Variants in TEAD4 observed in about 807,000 individuals in gnomAD.
The protein encoded by TEAD4 is transcriptional enhancer factor TEF-3.
A neutral mutation model predicts 52.4 loss-of-function variants in TEAD4; 36 were observed. The ratio of observed to expected loss-of-function variants is 0.69; its 90% confidence interval spans 0.53 to 0.91. TEAD4 has a LOEUF of 0.91. TEAD4 is among the 40% of genes least tolerant of loss of function. The pLI, the probability that TEAD4 is intolerant of heterozygous loss-of-function variation, is 0.00. For synonymous variants in TEAD4, 220 were observed against 231.0 expected (o/e 0.95, Z 0.43); for missense variants, 508 against 583.9 (o/e 0.87, Z 1.34).
chr12:2,989,469 CCTT>C (rs1337817120), intron 2 of TEAD4, among the ~76,000 whole-genome samples: 2 of 152,134 alleles, frequency 1.3e-5, no homozygotes, highest in African/African-American at 2.4e-5. Flanking sequence ...GACAGAATCT[CCTT>C]CTGTCGCCCA....
intron 3 of TEAD4, among the ~76,000 whole-genome samples, chr12:3,005,119 A>G (rs1339128599): frequency 6.6e-6 from 1 of 152,214 alleles, no homozygotes; most frequent in Non-Finnish European, 1.5e-5. Context: ...CCAGACGCAG[A>G]AGGACAAATG....
At chr12:2,989,061 T>G (rs377122711) in intron 2 of TEAD4, among the ~76,000 whole-genome samples, 15 of 152,214 alleles carry the variant, frequency 9.9e-5, no homozygotes, top group Middle Eastern at 3.4e-3. Context: ...ACCCCACCTA[T>G]AGCTGGTGGG....
At position 3,030,235 on chromosome 12, in the gene TEAD4, C is replaced by T. The variant is rs116193287; in HGVS notation, c.898-7733C>T. 7.8e-3 allele frequency among the ~76,000 whole-genome samples: 1,195 copies of T among 152,236 alleles called. 12 individuals carry two copies. Among genetic ancestry groups the T allele is most frequent in the African/African-American group, 0.028 (1,152 of 41,544 alleles). ...TTAATTTCATAGAGACAGGGTCTTG[C>T]TATGTTGCCCAGACTGGTTTTAAAC... On this transcript the variant is annotated intron_variant, in intron 10 of 12. Coordinates refer to ENST00000359864, the MANE Select transcript of TEAD4 (RefSeq NM_003213.4).
chr12:3,008,671 G>T (rs916570116), intron 3 of TEAD4, among the ~76,000 whole-genome samples: 3 of 152,150 alleles, frequency 2.0e-5, no homozygotes, highest in Non-Finnish European at 2.9e-5. Context: ...TGTTTTGGAG[G>T]TAGAGCCACA....
intron 8 of TEAD4, 139 bp downstream of exon 8, chr12:3,019,309 C>T (rs905170226): frequency 4.3e-6 from 4 of 934,036 alleles, no homozygotes. Context: ...CGTCCTAGTC[C>T]CTGGCCACAC....
intron 2 of TEAD4, among the ~76,000 whole-genome samples, chr12:2,968,542 A>AGCTGGGACCACAGGTGAT (rs1365877263): frequency 3.4e-4 from 51 of 151,844 alleles, no homozygotes; most frequent in Middle Eastern, 6.8e-3. Context: ...AGGTCTCAGT[A>AGCTGGGACCACAGGTGAT]GCTGGGACCA....
Position 2,994,511 on chromosome 12 carries a change from C to A in TEAD4, c.-29-227C>A, listed in dbSNP as rs2098245632. Among the ~76,000 whole-genome samples the A allele has an allele frequency of 6.6e-6, 1 of 152,156 alleles. No individual in the cohort carries two copies. The highest frequency in any genetic ancestry group is 2.1e-4 in the South Asian group (1 of 4,826). ...CAGCCCTTGTCTGGGTTCCTTGATACCAGGGAGTGCCTAGGTCATTGTGCT... is the reference window on the plus strand; with the variant it reads ...CAGCCCTTGTCTGGGTTCCTTGATAACAGGGAGTGCCTAGGTCATTGTGCT... On this transcript the variant is annotated intron_variant, in intron 2 of 12. Coordinates refer to ENST00000359864, the MANE Select transcript of TEAD4 (RefSeq NM_003213.4). The surrounding 1 kb of genome is among the most constrained non-coding windows in gnomAD (Gnocchi z 4.7).
At chr12:2,976,686 T>G (rs1371616028) in intron 2 of TEAD4, among the ~76,000 whole-genome samples, 1 of 150,024 alleles carries the variant, frequency 6.7e-6, no homozygotes, top group African/African-American at 2.5e-5. Context: ...GTTCCCAGCT[T>G]CCACCTCCCT....
At chr12:3,033,691 C>A (rs1299095981) in intron 10 of TEAD4, among the ~76,000 whole-genome samples, 1 of 152,232 alleles carries the variant, frequency 6.6e-6, no homozygotes, top group Non-Finnish European at 1.5e-5. Flanking sequence ...ATCCCCCACA[C>A]CTGTTCCAGG....
chr12:2,978,384 T>C (rs868840886), intron 2 of TEAD4, among the ~76,000 whole-genome samples: 8,675 of 151,752 alleles, frequency 0.057, 826 homozygotes, highest in African/African-American at 0.19. Context: ...CTGTTTTTTT[T>C]TTTTGTCTTT....
chr12:3,039,969 G>C (rs925607115), intron 11 of TEAD4, 138 bp from the exon 12 acceptor site: 33 of 1,165,730 alleles, frequency 2.8e-5, no homozygotes, highest in Non-Finnish European at 3.7e-5. Context: ...TTACAGGTGT[G>C]AGCCACTGCC....
At position 3,040,506 on chromosome 12, in the gene TEAD4, G is replaced by GAGAC. The variant is rs2098282118; in HGVS notation, c.*29_*32dup. The GAGAC allele has an allele frequency of 6.2e-7, 1 of 1,603,966 alleles. No homozygotes were observed. The highest frequency in any genetic ancestry group is 1.3e-5 in the African/African-American group (1 of 74,692). Reference sequence around the variant, plus strand: ...GACTCGGGGAGCAGGGAGGGGGGAAGAGACGTGTGTGCAGGAAACGGGGAC... The same window carrying GAGAC: ...GACTCGGGGAGCAGGGAGGGGGGAAGAGACAGACGTGTGTGCAGGAAACGGGGAC... On this transcript the variant is annotated 3_prime_UTR_variant, in exon 13 of 13. Transcript: ENST00000359864.
intron 2 of TEAD4, among the ~76,000 whole-genome samples, chr12:2,962,957 C>T (rs1342879303): frequency 3.3e-5 from 5 of 152,160 alleles, no homozygotes; most frequent in South Asian, 2.1e-4. Flanking sequence ...ATCCAACAGG[C>T]GCGGAAGCTG....
At chr12:2,987,534 A>C (rs2098239557) in intron 2 of TEAD4, among the ~76,000 whole-genome samples, 1 of 151,888 alleles carries the variant, frequency 6.6e-6, no homozygotes, top group Non-Finnish European at 1.5e-5. Context: ...TCCCGGGTTC[A>C]CGCCATTCTC....
At chr12:3,035,046 A>C (rs568615315) in intron 10 of TEAD4, among the ~76,000 whole-genome samples, 163 of 152,336 alleles carry the variant, frequency 1.1e-3, no homozygotes, top group African/African-American at 3.6e-3. Context: ...GGTTGCAGTG[A>C]GCTGAGATTG....
At chr12:2,961,989 A>G (rs972765666) in intron 2 of TEAD4, among the ~76,000 whole-genome samples, 1 of 151,984 alleles carries the variant, frequency 6.6e-6, no homozygotes, top group Non-Finnish European at 1.5e-5. Context: ...GTCACCAGAG[A>G]ACAGAGTGCC....
At chr12:2,989,445 A>G (rs1056848422) in intron 2 of TEAD4, among the ~76,000 whole-genome samples, 3 of 151,812 alleles carry the variant, frequency 2.0e-5, no homozygotes, top group African/African-American at 4.8e-5. Context: ...GTTTGTTGTT[A>G]TTATTGTTTT....
chr12:2,989,870 T>C (rs1168000148), intron 2 of TEAD4, among the ~76,000 whole-genome samples: 1 of 152,262 alleles, frequency 6.6e-6, no homozygotes, highest in East Asian at 1.9e-4. Context: ...TATTTGAATT[T>C]ATCCTGGTTA....
intron 2 of TEAD4, among the ~76,000 whole-genome samples, chr12:2,965,638 G>A (rs528720711): frequency 1.3e-5 from 2 of 152,150 alleles, no homozygotes; most frequent in South Asian, 2.1e-4. Context: ...TGCAAGCTCC[G>A]CCTCCCGGGT....
Sources: gnomAD v4.1 joint callset for allele counts (sites outside exome capture counted in the v4.1 genomes callset) on GRCh38, gnomAD v4.1.1 for gene constraint, Gnocchi (gnomAD v3.1) non-coding constraint, MANE v1.5 for transcripts, NCBI Gene and HGNC (gene_info 2026-07-23, HGNC 2026-07-21) for gene names.